RXFP2: variants seen among roughly 807,000 people sequenced by gnomAD.
RXFP2 encodes relaxin family peptide receptor 2.
Under a neutral mutation model 88.6 loss-of-function variants are expected in RXFP2, and 68 were observed. That is an observed-to-expected ratio of 0.77 (90% CI 0.63 to 0.94). The LOEUF (loss-of-function observed/expected upper bound fraction) is 0.94, where lower values mean the gene tolerates loss of function less well. RXFP2 is among the 40% of genes least tolerant of loss of function. The pLI, the probability that RXFP2 is intolerant of heterozygous loss-of-function variation, is 0.00. For missense variants in RXFP2, 791 were observed against 893.9 expected (o/e 0.88, Z 1.47); for synonymous variants, 329 against 306.8 (o/e 1.07, Z -0.76).
At chr13:31,762,112 G>C (rs1300948811) in intron 3 of RXFP2, among the ~76,000 whole-genome samples, 1 of 152,204 alleles carries the variant, frequency 6.6e-6, no homozygotes, top group Non-Finnish European at 1.5e-5. Context: ...TAGGCACTGA[G>C]AGGACAACGA....
intron 1 of RXFP2, among the ~76,000 whole-genome samples, chr13:31,756,581 G>A (rs1342606135): frequency 2.0e-5 from 3 of 150,494 alleles, no homozygotes; most frequent in Non-Finnish European, 4.4e-5. Flanking sequence ...AGACATTCCT[G>A]TGTCTACACT....
rs187885163 is a variant in RXFP2 at position 31,763,766 on chromosome 13, C to T, written c.320-1271C>T. On this transcript the variant is annotated intron_variant, in intron 3 of 17. Transcript: ENST00000298386. ...CCCAGCTTGACCATATGAAATTATT[C>T]TATTGGTAAATAAGTTTCCAACCAC... Among the ~76,000 whole-genome samples the T allele has an allele frequency of 9.1e-4, 139 of 152,260 alleles. 1 individual carries two copies. Among genetic ancestry groups the T allele is most frequent in the Admixed American group, 7.9e-4 (12 of 15,284 alleles).
At position 31,781,686 on chromosome 13, in the gene RXFP2, T is replaced by C. The variant is rs768699667; in HGVS notation, c.801T>C (p.Asn267=). ...TGACTTCCAGGGATTTGGAAGGCAATAGAATAAAGTATCTCACAAATTCTA... is the reference window on the plus strand; with the variant it reads ...TGACTTCCAGGGATTTGGAAGGCAACAGAATAAAGTATCTCACAAATTCTA... ...PQLNWVDLEG[N]RIKYLTNSTF... Residue 267 remains asparagine (N), a synonymous_variant, in exon 10 of 18, where the codon AAT becomes AAC. Coordinates refer to ENST00000298386, the MANE Select transcript of RXFP2 (RefSeq NM_130806.5). 1.9e-6 allele frequency: 3 copies of C among 1,611,704 alleles called. No individual in the cohort carries two copies. The highest frequency in any genetic ancestry group is 2.5e-6 in the Non-Finnish European group (3 of 1,178,144).
At chr13:31,764,056 C>T (rs1872428962) in intron 3 of RXFP2, among the ~76,000 whole-genome samples, 1 of 151,898 alleles carries the variant, frequency 6.6e-6, no homozygotes, top group African/African-American at 2.4e-5. Flanking sequence ...AGAAGAAGGG[C>T]ACCTGAAAAG....
chr13:31,787,972 C>T (rs1207541013), intron 13 of RXFP2, among the ~76,000 whole-genome samples: 2 of 152,086 alleles, frequency 1.3e-5, no homozygotes, highest in African/African-American at 2.4e-5. Context: ...ATTCATTTAC[C>T]CATTTATTTC....
chr13:31,781,785 A>T, intron 10 of RXFP2, 43 bp downstream of exon 10: 1 of 1,481,122 alleles, frequency 6.8e-7, no homozygotes, highest in African/African-American at 1.4e-5. Context: ...GAAACCCTAT[A>T]TATTTGGAAG....
intron 5 of RXFP2, among the ~76,000 whole-genome samples, chr13:31,767,561 T>C (rs1872595689): frequency 6.6e-6 from 1 of 152,208 alleles, no homozygotes; most frequent in Admixed American, 6.5e-5. Flanking sequence ...GATTTTCGTT[T>C]CAGAATTCTT....
chr13:31,757,947 C>T (rs1872039965), intron 1 of RXFP2, among the ~76,000 whole-genome samples: 1 of 151,978 alleles, frequency 6.6e-6, no homozygotes, highest in South Asian at 2.1e-4. Flanking sequence ...CAAAAATTAG[C>T]CGGGTGTGGT....
chr13:31,801,703 G>T (rs1283203001), intron 17 of RXFP2, among the ~76,000 whole-genome samples: 1 of 152,112 alleles, frequency 6.6e-6, no homozygotes, highest in African/African-American at 2.4e-5. Flanking sequence ...GAACACCAGG[G>T]CAGGGCAATA....
At chr13:31,799,348 A>G (rs1413762051) in intron 17 of RXFP2, among the ~76,000 whole-genome samples, 1 of 152,042 alleles carries the variant, frequency 6.6e-6, no homozygotes. Flanking sequence ...AGTAGCTGGG[A>G]TTACAGAAGT....
At position 31,739,688 on chromosome 13, in the gene RXFP2, G is replaced by C. The variant is rs761239765; in HGVS notation, c.76G>C (p.Val26Leu). The change falls in exon 1 of 18, where the codon GTT (valine) becomes CTT (leucine). Residue 26 changes from valine to leucine, a missense_variant. Transcript: ENST00000298386. ...AATGTTCTTTCTACTTCATTTCATC[G>C]TTCTGATCAATGTCAAAGGTAAGGT... ...ITMFFLLHFIVLINVKDFALT... is the reference protein window; with the variant it reads ...ITMFFLLHFILLINVKDFALT... The C allele has an allele frequency of 2.5e-6, 4 of 1,604,980 alleles. No individual in the cohort carries two copies. Among genetic ancestry groups the C allele is most frequent in the Non-Finnish European group, 2.6e-6 (3 of 1,171,958 alleles).
chr13:31,761,714 T>A lies in RXFP2; in HGVS notation c.242-10T>A, dbSNP rs1872310051. 6.3e-7 allele frequency: 1 copy of A among 1,590,400 alleles called. No homozygotes were observed. ...AGAATAAGTGACACATCTCAATCAC[T>A]ATTTCACAGGTGACACTAGTGGATG... On this transcript the variant is annotated splice_polypyrimidine_tract_variant and intron_variant, in intron 2 of 17. Coordinates refer to ENST00000298386, the MANE Select transcript of RXFP2 (RefSeq NM_130806.5).
intron 17 of RXFP2, among the ~76,000 whole-genome samples, chr13:31,798,068 T>C (rs966156891): frequency 1.3e-5 from 2 of 152,166 alleles, no homozygotes; most frequent in African/African-American, 4.8e-5. Flanking sequence ...TTTGGAATCA[T>C]CGTCAACCTA....
chr13:31,743,625 C>G (rs777628533), intron 1 of RXFP2, among the ~76,000 whole-genome samples: 2 of 151,930 alleles, frequency 1.3e-5, no homozygotes, highest in African/African-American at 4.8e-5. Flanking sequence ...CCCCTTGCTC[C>G]TGTTCAAGCC....
intron 8 of RXFP2, among the ~76,000 whole-genome samples, chr13:31,777,998 C>T (rs1448946340): frequency 6.6e-6 from 1 of 152,112 alleles, no homozygotes. Context: ...TTCCATTTGT[C>T]AAAAGGAACC....
intron 11 of RXFP2, among the ~76,000 whole-genome samples, chr13:31,785,855 G>C (rs913924120): frequency 6.6e-6 from 1 of 151,964 alleles, no homozygotes; most frequent in Admixed American, 6.6e-5. Context: ...TTCTAAACTT[G>C]CAATTTCTTC....
intron 17 of RXFP2, among the ~76,000 whole-genome samples, chr13:31,798,969 C>T (rs542600037): frequency 6.6e-6 from 1 of 152,256 alleles, no homozygotes; most frequent in East Asian, 1.9e-4. Flanking sequence ...TTTGTTTACA[C>T]CAGGTTTATT....
chr13:31,774,799 A>C, intron 6 of RXFP2, 108 bp downstream of exon 6: 2 of 736,400 alleles, frequency 2.7e-6, no homozygotes, highest in East Asian at 5.0e-5. Context: ...TGGGAGGAAT[A>C]GGTTATCACA....
At chr13:31,750,715 A>G (rs1343430447) in intron 1 of RXFP2, among the ~76,000 whole-genome samples, 1 of 152,194 alleles carries the variant, frequency 6.6e-6, no homozygotes, top group African/African-American at 2.4e-5. Flanking sequence ...CAAGATGAGG[A>G]CTATGAAAGA....
Sources: allele counts gnomAD v4.1 joint callset (sites outside exome capture counted in the v4.1 genomes callset), GRCh38; gene constraint gnomAD v4.1.1; transcripts MANE v1.5; gene names NCBI Gene and HGNC (gene_info 2026-07-23, HGNC 2026-07-21).